The following CHSY1 variants were observed in gnomAD, a reference collection of about 807,000 sequenced individuals.
The protein encoded by CHSY1 is chondroitin sulfate synthase 1, also known as N-acetylgalactosaminyl-proteoglycan 3-beta-glucuronosyltransferase 1.
CHSY1 carries 13 observed loss-of-function variants against 59.8 expected under a neutral mutation model. That is an observed-to-expected ratio of 0.22 (90% CI 0.14 to 0.35). The LOEUF (loss-of-function observed/expected upper bound fraction) is 0.35, where lower values mean the gene tolerates loss of function less well. CHSY1 is among the 10% of genes least tolerant of loss of function. The pLI is 1.00. For synonymous variants in CHSY1, 459 were observed against 401.2 expected, an observed-to-expected ratio of 1.14 and a Z score of -1.72; for missense variants, 947 against 1,030.6, an observed-to-expected ratio of 0.92 and a Z score of 1.11.
intron 1 of CHSY1, among the ~76,000 whole-genome samples, chr15:101,243,894 C>T (rs1407796849): frequency 1.3e-5 from 2 of 152,168 alleles, no homozygotes; most frequent in African/African-American, 2.4e-5. Context: ...TTACCAAACA[C>T]GCCGAGCAAA....
intron 2 of CHSY1, among the ~76,000 whole-genome samples, chr15:101,212,447 T>G (rs1005534623): frequency 6.6e-6 from 1 of 152,198 alleles, no homozygotes; most frequent in South Asian, 2.1e-4. Flanking sequence ...TAAAAAGGAA[T>G]GAGCAACTGA....
intron 2 of CHSY1, among the ~76,000 whole-genome samples, chr15:101,202,176 C>G (rs569490120): frequency 2.0e-4 from 26 of 128,050 alleles, no homozygotes; most frequent in Non-Finnish European, 3.8e-4. Context: ...GCAGTGGGAT[C>G]TCAGACACAG....
At chr15:101,186,191 A>T (rs1158258960) in intron 2 of CHSY1, among the ~76,000 whole-genome samples, 1 of 149,928 alleles carries the variant, frequency 6.7e-6, no homozygotes, top group African/African-American at 2.4e-5. Context: ...GTGGTGGCAC[A>T]TGCCTGAGGT....
chr15:101,235,594 T>G lies in CHSY1; in HGVS notation c.321-17A>C, dbSNP rs369820168. On this transcript the variant is annotated splice_polypyrimidine_tract_variant and intron_variant, in intron 1 of 2. Coordinates refer to ENST00000254190, the MANE Select transcript of CHSY1 (RefSeq NM_014918.5). ...GACCATGTTCTGGAATTAAAATAAA[T>G]ATCAGTTAGAGAACAGTTTATTCCA... 2.1e-5 allele frequency: 34 copies of G among 1,602,718 alleles called. No individual in the cohort carries two copies. The highest frequency in any genetic ancestry group is 2.7e-5 in the Non-Finnish European group (32 of 1,179,508).
intron 2 of CHSY1, chr15:101,187,882 T>C (rs565430092): frequency 3.0e-4 from 81 of 266,682 alleles, no homozygotes; most frequent in African/African-American, 1.8e-3. Flanking sequence ...TGCGTCATTC[T>C]CCAGTGAATC....
At position 101,200,860 on chromosome 15, in the gene CHSY1, G is replaced by T. The variant is rs114415675; in HGVS notation, c.817-21880C>A. Reference sequence around the variant, plus strand: ...CCCCAACTGCTCTGCATACCCCTTAGGTCTCCTCACATTCCAGCCACCCCT... The same window carrying T: ...CCCCAACTGCTCTGCATACCCCTTATGTCTCCTCACATTCCAGCCACCCCT... On this transcript the variant is annotated intron_variant, in intron 2 of 2. Coordinates refer to ENST00000254190, the MANE Select transcript of CHSY1 (RefSeq NM_014918.5). 2.2e-3 allele frequency among the ~76,000 whole-genome samples: 330 copies of T among 152,230 alleles called. 2 individuals are homozygous for T. The highest frequency in any genetic ancestry group is 7.8e-3 in the African/African-American group (322 of 41,522).
At chr15:101,193,194 A>C (rs2038467027) in intron 2 of CHSY1, among the ~76,000 whole-genome samples, 1 of 152,266 alleles carries the variant, frequency 6.6e-6, no homozygotes. Flanking sequence ...CAAGACAACT[A>C]GAAATGCCTG....
In CHSY1 at chr15:101,178,029, A is replaced by G. The variant is rs1339509501; in HGVS notation, c.1768T>C (p.Tyr590His). 6.2e-7 allele frequency: 1 copy of G among 1,614,072 alleles called. No homozygotes were observed. Among genetic ancestry groups the G allele is most frequent in the African/African-American group, 1.3e-5 (1 of 74,910 alleles). Reference protein sequence around the residue: ...KAKQVELMRDYRIKYPKADMQ... With the variant: ...KAKQVELMRDHRIKYPKADMQ... ...TCGGCTTTAGGGTACTTAATGCGGT[A>G]ATCTCTCATCAGTTCAACTTGTTTG... is the stretch of plus-strand genomic sequence containing the variant. Residue 590 changes from tyrosine (Y) to histidine (H), a missense_variant, in exon 3 of 3, where the codon TAC becomes CAC. Tyr to His is a moderately conservative substitution (Grantham distance 83). Coordinates refer to ENST00000254190, the MANE Select transcript of CHSY1 (RefSeq NM_014918.5).
rs1371733555 is a variant in CHSY1, at chr15:101,177,482, C to A, written c.2315G>T (p.Gly772Val). The change falls in exon 3 of 3, where the codon GGG becomes GTG. Residue 772 changes from glycine to valine, a missense_variant. This residue lies in a region of CHSY1 where 602 missense variants were observed against 676.9 expected (regional missense o/e 0.89). Coordinates refer to ENST00000254190, the MANE Select transcript of CHSY1 (RefSeq NM_014918.5). The stretch of plus-strand genomic sequence containing the variant: ...CATCTCAGCCAGCTGCTGGGTGGAC[C>A]CATAGGTCGATGCTTTGGACCCCAA... ...MCLGSKASTY[G>V]STQQLAEMWL... 6.2e-7 allele frequency: 1 copy of A among 1,613,588 alleles called. No homozygotes were observed. Among genetic ancestry groups the A allele is most frequent in the Admixed American group, 1.7e-5 (1 of 59,968 alleles).
In CHSY1 at chr15:101,251,335, C is replaced by A; in HGVS notation, c.122G>T (p.Arg41Leu). 2.7e-6 allele frequency: 3 copies of A among 1,128,480 alleles called. No homozygotes were observed. Among genetic ancestry groups the A allele is most frequent in the Non-Finnish European group, 2.2e-6 (2 of 910,276 alleles). 69.9% of individuals were successfully genotyped at this position (1,128,480 alleles called of 1,614,324 possible). A position where few individuals can be genotyped will look rare whatever the true frequency, so the allele number is the denominator to read the frequency against. The change falls in exon 1 of 3, where the codon CGC becomes CTC. Residue 41 changes from arginine to leucine, a missense_variant. Physicochemically the swap from Arg to Leu is moderately radical, Grantham distance 102 (BLOSUM62 -2). Transcript: ENST00000254190. ...ASELKRAGPR[R>L]RASPEGCRSG... Reference sequence around the variant, plus strand: ...CCGGCAGCCCTCGGGGCTGGCGCGGCGCCGTGGGCCCGCTCGCTTCAGCTC... The same window carrying A: ...CCGGCAGCCCTCGGGGCTGGCGCGGAGCCGTGGGCCCGCTCGCTTCAGCTC...
At chr15:101,198,856 C>A (rs1567093087) in intron 2 of CHSY1, among the ~76,000 whole-genome samples, 1 of 152,178 alleles carries the variant, frequency 6.6e-6, no homozygotes, top group Non-Finnish European at 1.5e-5. Flanking sequence ...GGAGCGAGAT[C>A]CCACGGCCTG....
chr15:101,198,984 C>T (rs911983930), intron 2 of CHSY1, among the ~76,000 whole-genome samples: 2 of 152,176 alleles, frequency 1.3e-5, no homozygotes, highest in African/African-American at 2.4e-5. Context: ...AAACCAGGCA[C>T]GTGCAGACTT....
intron 2 of CHSY1, among the ~76,000 whole-genome samples, chr15:101,233,549 C>G (rs993044985): frequency 6.6e-6 from 1 of 152,132 alleles, no homozygotes; most frequent in South Asian, 2.1e-4. Context: ...CTTAAAACAG[C>G]GTGAAACCCT....
At chr15:101,188,844 A>G (rs2038405806) in intron 2 of CHSY1, among the ~76,000 whole-genome samples, 1 of 152,256 alleles carries the variant, frequency 6.6e-6, no homozygotes, top group African/African-American at 2.4e-5. Context: ...CTGTGGTAGG[A>G]GACCCTTATC....
intron 2 of CHSY1, among the ~76,000 whole-genome samples, chr15:101,181,060 A>C (rs2038271501): frequency 6.6e-6 from 1 of 152,256 alleles, no homozygotes; most frequent in African/African-American, 2.4e-5. Flanking sequence ...AGCAGTTACA[A>C]GGACCTGCTA....
chr15:101,233,646 G>T (rs939182029), intron 2 of CHSY1, among the ~76,000 whole-genome samples: 1 of 152,144 alleles, frequency 6.6e-6, no homozygotes, highest in Admixed American at 6.5e-5. Context: ...TGGGGTTGGG[G>T]GGATAGTATA....
rs528105924 is a variant in CHSY1, at chr15:101,195,611, G to T, written c.817-16631C>A. 2.0e-5 allele frequency among the ~76,000 whole-genome samples: 3 copies of T among 152,282 alleles called. No homozygotes were observed. In the East Asian group the frequency reaches 5.8e-4, roughly 29 times the overall value. ...CTGAGACGGGCAGATCATGAGGTCA[G>T]GAGATCGAAACCATACTAGCTAACA... On this transcript the variant is annotated intron_variant, in intron 2 of 2. Transcript: ENST00000254190.
intron 2 of CHSY1, among the ~76,000 whole-genome samples, chr15:101,208,621 G>C (rs1429344546): frequency 3.3e-5 from 5 of 151,470 alleles, no homozygotes; most frequent in Admixed American, 6.6e-5. Context: ...GTAGAGGCAT[G>C]AGAATTGCTT....
At chr15:101,250,514 C>T (rs1248705993) in intron 1 of CHSY1, among the ~76,000 whole-genome samples, 2 of 152,200 alleles carry the variant, frequency 1.3e-5, no homozygotes, top group African/African-American at 2.4e-5. Flanking sequence ...AACTAATTAA[C>T]ACCAGAATGC....
Sources: allele counts gnomAD v4.1 joint callset (sites outside exome capture counted in the v4.1 genomes callset), GRCh38; gene constraint gnomAD v4.1.1; regional missense constraint gnomAD v4.1.1; transcripts MANE v1.5; gene names NCBI Gene and HGNC (gene_info 2026-07-23, HGNC 2026-07-21).